Variants in KIF6 observed in about 807,000 individuals in gnomAD.
The protein encoded by KIF6 is kinesin family member 6, also known as kinesin-like protein KIF6.
In KIF6, 106 loss-of-function variants were observed where a neutral mutation model predicts 112.7. The observed-to-expected ratio is 0.94, with a 90% CI of 0.80 to 1.11. The LOEUF is 1.11. KIF6 is among the 50% of genes least tolerant of loss of function. KIF6 has a pLI of 0.00. For missense variants in KIF6, 929 were observed against 964.0 expected (o/e 0.96, Z 0.48); for synonymous variants, 339 against 339.9 (o/e 1.00, Z 0.03).
chr6:39,353,716 T>C (rs1199921082), intron 19 of KIF6: 1 of 201,596 alleles, frequency 5.0e-6, no homozygotes, highest in Admixed American at 5.7e-5. Flanking sequence ...AAAACCAGAA[T>C]GTGAGGCAGT....
At chr6:39,409,289 T>A (rs1289976798) in intron 15 of KIF6, among the ~76,000 whole-genome samples, 1 of 152,204 alleles carries the variant, frequency 6.6e-6, no homozygotes, top group Non-Finnish European at 1.5e-5. Context: ...GAAGTCCCCA[T>A]GGCACTCCTA....
intron 12 of KIF6, among the ~76,000 whole-genome samples, chr6:39,542,756 C>T (rs1561793130): frequency 6.6e-6 from 1 of 152,192 alleles, no homozygotes; most frequent in African/African-American, 2.4e-5. Context: ...CCGCAGTGCT[C>T]AAAGCACTTA....
At chr6:39,653,071 T>A (rs1404683645) in intron 3 of KIF6, among the ~76,000 whole-genome samples, 1 of 152,210 alleles carries the variant, frequency 6.6e-6, no homozygotes, top group East Asian at 1.9e-4. Flanking sequence ...ATATAACGGT[T>A]TAAGTTATCT....
chr6:39,716,690 C>T (rs990973324), intron 2 of KIF6, among the ~76,000 whole-genome samples: 3 of 152,080 alleles, frequency 2.0e-5, no homozygotes, highest in African/African-American at 7.2e-5. Context: ...AATAATATGC[C>T]TTGAGACATA....
At chr6:39,587,180 C>T (rs1379696439) in intron 7 of KIF6, among the ~76,000 whole-genome samples, 1 of 152,114 alleles carries the variant, frequency 6.6e-6, no homozygotes, top group Non-Finnish European at 1.5e-5. Context: ...AAGGAGGCAC[C>T]TGGGGCTCAG....
chr6:39,616,577 G>A (rs1307762199), intron 5 of KIF6, among the ~76,000 whole-genome samples: 2 of 152,152 alleles, frequency 1.3e-5, no homozygotes, highest in Non-Finnish European at 2.9e-5. Context: ...TCACCAATCA[G>A]GGTCTCTTCT....
At chr6:39,387,932 T>A (rs1181017840) in intron 15 of KIF6, among the ~76,000 whole-genome samples, 1 of 152,212 alleles carries the variant, frequency 6.6e-6, no homozygotes, top group Non-Finnish European at 1.5e-5. Context: ...TCCTGCAGTA[T>A]GGAGAGTCAG....
At chr6:39,489,785 T>C (rs1015625837) in intron 13 of KIF6, among the ~76,000 whole-genome samples, 2 of 152,170 alleles carry the variant, frequency 1.3e-5, no homozygotes, top group African/African-American at 4.8e-5. Flanking sequence ...CTCAATGACT[T>C]TATATTGTTA....
intron 13 of KIF6, among the ~76,000 whole-genome samples, chr6:39,433,836 G>A (rs1473129479): frequency 1.3e-5 from 2 of 152,192 alleles, no homozygotes; most frequent in African/African-American, 4.8e-5. Context: ...CAGTGTGTGA[G>A]CCCAGGTCCC....
At chr6:39,473,915 C>G (rs114301746) in intron 13 of KIF6, among the ~76,000 whole-genome samples, 5,957 of 152,208 alleles carry the variant, frequency 0.039, 155 homozygotes, top group Non-Finnish European at 0.06. Context: ...ATAATTTTCT[C>G]TGTAAAAATT....
At chr6:39,541,519 T>A (rs1290071189) in intron 12 of KIF6, among the ~76,000 whole-genome samples, 1 of 152,200 alleles carries the variant, frequency 6.6e-6, no homozygotes, top group Non-Finnish European at 1.5e-5. Flanking sequence ...ATCGACTCAC[T>A]CATTCAGTGA....
At chr6:39,533,261 A>C (rs1435815105) in intron 13 of KIF6, among the ~76,000 whole-genome samples, 1 of 152,202 alleles carries the variant, frequency 6.6e-6, no homozygotes, top group African/African-American at 2.4e-5. Flanking sequence ...TCCGAGTCAA[A>C]GAAAGGGGTG....
intron 3 of KIF6, among the ~76,000 whole-genome samples, chr6:39,685,657 G>A (rs954928192): frequency 6.6e-6 from 1 of 152,232 alleles, no homozygotes; most frequent in Non-Finnish European, 1.5e-5. Flanking sequence ...CAGCCATAGA[G>A]ATAGAGTAGG....
chr6:39,369,575 G>A (rs1028082572), intron 16 of KIF6, among the ~76,000 whole-genome samples: 1 of 152,124 alleles, frequency 6.6e-6, no homozygotes, highest in Non-Finnish European at 1.5e-5. Flanking sequence ...TCCCTGCTAC[G>A]ACTGTGGGCC....
At chr6:39,543,392 G>T (rs1778902496) in intron 12 of KIF6, among the ~76,000 whole-genome samples, 2 of 151,996 alleles carry the variant, frequency 1.3e-5, no homozygotes, top group South Asian at 4.2e-4. Flanking sequence ...GTGGGTGGGG[G>T]GGGATTCTCA....
intron 13 of KIF6, among the ~76,000 whole-genome samples, chr6:39,461,850 T>C (rs1321405501): frequency 6.6e-6 from 1 of 152,202 alleles, no homozygotes; most frequent in Non-Finnish European, 1.5e-5. Flanking sequence ...ATACAAAAAG[T>C]GTGTGTACCT....
intron 13 of KIF6, among the ~76,000 whole-genome samples, chr6:39,443,274 G>A (rs990493487): frequency 3.3e-5 from 5 of 151,728 alleles, no homozygotes; most frequent in African/African-American, 1.2e-4. Context: ...CCTGTTGAGT[G>A]GCTTCCACCC....
At chr6:39,475,673 T>C (rs1228054468) in intron 13 of KIF6, among the ~76,000 whole-genome samples, 29 of 152,206 alleles carry the variant, frequency 1.9e-4, no homozygotes, top group Admixed American at 1.9e-3. Context: ...TGTGATTTTA[T>C]ATTCTGAGCT....
chr6:39,434,645 G>A (rs905238769), intron 13 of KIF6, among the ~76,000 whole-genome samples: 13 of 152,006 alleles, frequency 8.6e-5, no homozygotes, highest in Non-Finnish European at 1.8e-4. Context: ...TACAATGGAG[G>A]TTGCTGCTTG....
Sources: allele counts gnomAD v4.1 joint callset (sites outside exome capture counted in the v4.1 genomes callset), GRCh38; gene constraint gnomAD v4.1.1; transcripts MANE v1.5; gene names NCBI Gene and HGNC (gene_info 2026-07-23, HGNC 2026-07-21).